DNMT3A: variants seen among roughly 807,000 people sequenced by gnomAD.
The protein encoded by DNMT3A is DNA methyltransferase 3 alpha, also known as DNA (cytosine-5)-methyltransferase 3A.
In DNMT3A, 267 loss-of-function variants were observed where a neutral mutation model predicts 117.6. The observed-to-expected ratio is 2.27, with a 90% CI of 2.05 to 2.51. The LOEUF is 2.51. Among genes scored for constraint, DNMT3A ranks in the 30% most tolerant of loss-of-function variants. DNMT3A has a pLI of 0.00. For synonymous variants in DNMT3A, 432 were observed against 474.8 expected (o/e 0.91, Z 1.17); for missense variants, 1,029 against 1,260.2 (o/e 0.82, Z 2.78).
At position 25,257,148 on chromosome 2, in the gene DNMT3A, G is replaced by A. The variant is rs1023974710; in HGVS notation, c.640-8896C>T. On this transcript the variant is annotated intron_variant, in intron 6 of 22. Transcript: ENST00000321117. The surrounding 1 kb of genome is among the most constrained non-coding windows in gnomAD (Gnocchi z 4.8). ...TGACCAGGACTGGGCTGCTGGCAGTGAAGCTAAAAATAGCCATGAAGCCAA... is the reference window on the plus strand; with the variant it reads ...TGACCAGGACTGGGCTGCTGGCAGTAAAGCTAAAAATAGCCATGAAGCCAA... 2.6e-5 allele frequency among the ~76,000 whole-genome samples: 4 copies of A among 152,226 alleles called. No individual in the cohort carries two copies. Among genetic ancestry groups the A allele is most frequent in the African/African-American group, 9.6e-5 (4 of 41,462 alleles).
rs759068352 is a variant in DNMT3A, at chr2:25,233,428, G to A, written c.*851C>T. The stretch of plus-strand genomic sequence containing the variant: ...TGTTTGAAAGCACCATTATGAAGTC[G>A]GGTTGTACAGTAGTTAACAGTACCT... On this transcript the variant is annotated 3_prime_UTR_variant, in exon 23 of 23. Transcript: ENST00000321117. 10 of 233,412 alleles carry A rather than the reference G, an allele frequency of 4.3e-5. No individual in the cohort carries two copies. Among genetic ancestry groups the A allele is most frequent in the Non-Finnish European group, 6.8e-5 (8 of 117,960 alleles). 14.5% of individuals were successfully genotyped at this position (233,412 alleles called of 1,614,324 possible). A position where few individuals can be genotyped will look rare whatever the true frequency, so the allele number is the denominator to read the frequency against.
rs570302417 is a variant in DNMT3A, at chr2:25,294,694, A to G, written c.177+5445T>C. 6.6e-6 allele frequency among the ~76,000 whole-genome samples: 1 copy of G among 152,266 alleles called. No individual in the cohort carries two copies. Among genetic ancestry groups the G allele is most frequent in the East Asian group, 1.9e-4 (1 of 5,174 alleles). On this transcript the variant is annotated intron_variant, in intron 3 of 22. Coordinates refer to ENST00000321117, the MANE Select transcript of DNMT3A (RefSeq NM_022552.5). This position sits in a 1 kb window ranked among gnomAD's most constrained non-coding sequence, Gnocchi z 4.7. ...CTGCAAACCTCCAAGAGCTGCCATA[A>G]GCTGTACCTAGCTGACTTTTGCCTG... is the stretch of plus-strand genomic sequence containing the variant.
Position 25,282,694 on chromosome 2 carries a change from C to T in DNMT3A, c.195G>A (p.Thr65=), listed in dbSNP as rs768840110. ...TGGAGATCACCGCAGGGTCCTTTGG[C>T]GTGTCACCGCTTTCCACCTGCAAAT... The part of the protein sequence containing the change: ...RKHPPVESGD[T]PKDPAVISKS... The change falls in exon 4 of 23, where the codon ACG becomes ACA. Residue 65 remains threonine, a synonymous_variant. Coordinates refer to ENST00000321117, the MANE Select transcript of DNMT3A (RefSeq NM_022552.5). This position sits in a 1 kb window ranked among gnomAD's most constrained non-coding sequence, Gnocchi z 5.2. 3 of 1,533,236 alleles carry T rather than the reference C, an allele frequency of 2.0e-6. No homozygotes were observed. The highest frequency in any genetic ancestry group is 2.3e-5 in the East Asian group (1 of 43,630). The allele number at this position is 1,533,236 out of a possible 1,614,324, so 95.0% of individuals were successfully genotyped here. A position where few individuals can be genotyped will look rare whatever the true frequency, so the allele number is the denominator to read the frequency against.
rs144357816 is a variant in DNMT3A at position 25,332,430 on chromosome 2, G to A, written c.-178+9396C>T. 5.9e-5 allele frequency among the ~76,000 whole-genome samples: 9 copies of A among 152,326 alleles called. No homozygotes were observed. In the East Asian group the frequency reaches 1.7e-3, roughly 29 times the overall value. On this transcript the variant is annotated intron_variant, in intron 1 of 22. Transcript: ENST00000321117. ...GTAATCCCTGGACATGGTGTGCCAG[G>A]GGTCCTTCCGCCCTGCCAGACCCCA...
chr2:25,248,133 G>A lies in DNMT3A; in HGVS notation c.759C>T (p.Pro253=), dbSNP rs77558739. The change falls in exon 7 of 23, where the codon CCC becomes CCT. Residue 253 remains proline (P), a synonymous_variant. Transcript: ENST00000321117. Reference sequence around the variant, plus strand: ...GCGTGGTAGCCACAGTGGGGGATGCGGGGTCAGTGGGCTGCTGCACAGCAG... The same window carrying A: ...GCGTGGTAGCCACAGTGGGGGATGCAGGGTCAGTGGGCTGCTGCACAGCAG... The part of the protein sequence containing the change: ...SPPAVQQPTD[P]ASPTVATTPE... 2,080 of 1,613,710 alleles carry A rather than the reference G, an allele frequency of 1.3e-3. 23 individuals are homozygous for A. The African/African-American group carries it at 0.024, about 19-fold the overall frequency.
chr2:25,290,770 G>A (rs966353692), intron 3 of DNMT3A, among the ~76,000 whole-genome samples: 5 of 140,658 alleles, frequency 3.6e-5, no homozygotes, highest in Non-Finnish European at 7.8e-5. Flanking sequence ...CAGCCCACCT[G>A]CAGCGATCAC....
chr2:25,281,496 G>T lies in DNMT3A; in HGVS notation c.448+945C>A. ...TCTGGAAATGTTCTCTATCCTGCAT[G>T]AACATTAGGTTGGATCCATGCAAAA... On this transcript the variant is annotated intron_variant, in intron 4 of 22. Coordinates refer to ENST00000321117, the MANE Select transcript of DNMT3A (RefSeq NM_022552.5). The surrounding 1 kb of genome is among the most constrained non-coding windows in gnomAD (Gnocchi z 4.8). 9.5e-7 allele frequency: 1 copy of T among 1,055,570 alleles called. No individual in the cohort carries two copies. Among genetic ancestry groups the T allele is most frequent in the Non-Finnish European group, 1.1e-6 (1 of 873,136 alleles). The allele number at this position is 1,055,570 out of a possible 1,614,324, so 65.4% of individuals were successfully genotyped here. A position where few individuals can be genotyped will look rare whatever the true frequency, so the allele number is the denominator to read the frequency against.
chr2:25,249,496 G>T, intron 6 of DNMT3A: 1 of 784,608 alleles, frequency 1.3e-6, no homozygotes, highest in Non-Finnish European at 2.1e-6. Context: ...TACCAGATTC[G>T]ACCCCTTCTA....
In DNMT3A at chr2:25,240,621, GGGACAGGATGGTACCTACCGTA is replaced by G; in HGVS notation, c.2170_2173+18del. The G allele has an allele frequency of 6.2e-7, 1 of 1,613,154 alleles. No individual in the cohort carries two copies. Among genetic ancestry groups the G allele is most frequent in the Non-Finnish European group, 8.5e-7 (1 of 1,179,324 alleles). On this transcript the variant is annotated splice_donor_variant and splice_donor_5th_base_variant and coding_sequence_variant and intron_variant, in exon 18 of 23. Coordinates refer to ENST00000321117, the MANE Select transcript of DNMT3A (RefSeq NM_022552.5). LOFTEE classifies it high-confidence loss of function. ...GGAAGCACCAGCTGAGAAGGTGGAG[GGGACAGGATGGTACCTACCGTA>G]GAGGCCCTTGCGAGCAGGGTTGACG...
At chr2:25,270,892 T>C (rs111731941) in intron 6 of DNMT3A, among the ~76,000 whole-genome samples, 5,807 of 152,096 alleles carry the variant, frequency 0.038, 163 homozygotes, top group Middle Eastern at 0.071. Context: ...GGTGTGGTGG[T>C]GCACGCCTGT....
chr2:25,341,895 C>T lies in DNMT3A; in HGVS notation c.-247G>A, dbSNP rs1438368490. 3 of 979,962 alleles carry T rather than the reference C, an allele frequency of 3.1e-6. No homozygotes were observed. The highest frequency in any genetic ancestry group is 1.2e-4 in the East Asian group (1 of 8,608). 60.7% of individuals were successfully genotyped at this position (979,962 alleles called of 1,614,324 possible). A position where few individuals can be genotyped will look rare whatever the true frequency, so the allele number is the denominator to read the frequency against. ...GCCGCGGCGCCGCGTCCCGGCTCGT[C>T]CTCTGCTCTCGCCGCCGCCGCCGCC... On this transcript the variant is annotated 5_prime_UTR_variant, in exon 1 of 23. Transcript: ENST00000321117.
In DNMT3A at chr2:25,234,180, C is replaced by CT; in HGVS notation, c.*98dup. On this transcript the variant is annotated 3_prime_UTR_variant, in exon 23 of 23. Transcript: ENST00000321117. The surrounding 1 kb of genome is among the most constrained non-coding windows in gnomAD (Gnocchi z 4.5). ...CCTTTTTCTCTTCTGGGTGCTGATA[C>CT]TTCTCTCCATCCTCATGTTCTTGGT... is the stretch of plus-strand genomic sequence containing the variant. 1 of 1,491,256 alleles carries CT rather than the reference C, an allele frequency of 6.7e-7. No homozygotes were observed. The allele number at this position is 1,491,256 out of a possible 1,614,324, so 92.4% of individuals were successfully genotyped here.
At chr2:25,295,641 G>A (rs1170970208) in intron 3 of DNMT3A, among the ~76,000 whole-genome samples, 6 of 152,212 alleles carry the variant, frequency 3.9e-5, no homozygotes, top group African/African-American at 7.2e-5. Flanking sequence ...CAAACTGCAC[G>A]GATGCAGTGA....
chr2:25,278,916 C>T (rs1356720074), intron 4 of DNMT3A, among the ~76,000 whole-genome samples: 1 of 152,180 alleles, frequency 6.6e-6, no homozygotes, highest in East Asian at 1.9e-4. Flanking sequence ...ACATGGGAAG[C>T]ATGAGGCCCT....
intron 6 of DNMT3A, among the ~76,000 whole-genome samples, chr2:25,263,710 T>C (rs1558689356): frequency 6.6e-6 from 1 of 152,122 alleles, no homozygotes; most frequent in Non-Finnish European, 1.5e-5. Flanking sequence ...GACAGTGCTA[T>C]GGGAAAAACT....
intron 1 of DNMT3A, among the ~76,000 whole-genome samples, chr2:25,317,099 C>T (rs969292458): frequency 6.6e-6 from 1 of 152,192 alleles, no homozygotes; most frequent in Non-Finnish European, 1.5e-5. Flanking sequence ...CTCTGTCACC[C>T]AGGCTGGATG....
intron 1 of DNMT3A, among the ~76,000 whole-genome samples, chr2:25,324,139 T>C (rs577551136): frequency 2.0e-5 from 3 of 152,330 alleles, no homozygotes; most frequent in African/African-American, 7.2e-5. Context: ...AGCATGCTAA[T>C]CACAGTATTC....
In DNMT3A at chr2:25,232,645, C is replaced by G. The variant is rs544066117; in HGVS notation, c.*1634G>C. 1 of 158,756 alleles carries G rather than the reference C, an allele frequency of 6.3e-6. No homozygotes were observed. Among genetic ancestry groups the G allele is most frequent in the South Asian group, 2.0e-4 (1 of 4,896 alleles). 9.8% of individuals were successfully genotyped at this position (158,756 alleles called of 1,614,324 possible). ...CCAGCTGTCACCATGCCCAGTGGCCCACCTGGCCCGAGGGGTGGGAGCCAG... is the reference window on the plus strand; with the variant it reads ...CCAGCTGTCACCATGCCCAGTGGCCGACCTGGCCCGAGGGGTGGGAGCCAG... On this transcript the variant is annotated 3_prime_UTR_variant, in exon 23 of 23. Coordinates refer to ENST00000321117, the MANE Select transcript of DNMT3A (RefSeq NM_022552.5). The surrounding 1 kb of genome is among the most constrained non-coding windows in gnomAD (Gnocchi z 4.1).
chr2:25,235,534 G>A (rs548148282), intron 22 of DNMT3A, among the ~76,000 whole-genome samples, 173 bp downstream of exon 22: 2 of 152,200 alleles, frequency 1.3e-5, no homozygotes, highest in African/African-American at 4.8e-5. Flanking sequence ...AGGAGCCTGG[G>A]GTGTCAGGAG....
Sources: gnomAD v4.1 joint callset for allele counts (sites outside exome capture counted in the v4.1 genomes callset) on GRCh38, gnomAD v4.1.1 for gene constraint, Gnocchi (gnomAD v3.1) non-coding constraint, MANE v1.5 for transcripts, NCBI Gene and HGNC (gene_info 2026-07-23, HGNC 2026-07-21) for gene names.